ENDOG: variants seen among roughly 807,000 people sequenced by gnomAD.
ENDOG encodes the protein endonuclease G, mitochondrial.
ENDOG carries 22 observed loss-of-function variants against 22.6 expected under a neutral mutation model. The observed-to-expected ratio is 0.97, with a 90% CI of 0.70 to 1.39. The LOEUF (loss-of-function observed/expected upper bound fraction) is 1.39, where lower values mean the gene tolerates loss of function less well. Ranked by LOEUF, ENDOG falls within the 40% of genes most tolerant of loss-of-function variation. The pLI, the probability that ENDOG is intolerant of heterozygous loss-of-function variation, is 0.00. For missense variants in ENDOG, 403 were observed against 431.3 expected (o/e 0.93, Z 0.58); for synonymous variants, 173 against 200.2 (o/e 0.86, Z 1.15).
chr9:128,820,690 G>A (rs1211544703), intron 1 of ENDOG, 49 bp from the exon 2 acceptor site: 2 of 1,530,520 alleles, frequency 1.3e-6, no homozygotes, highest in Admixed American at 1.9e-5. Flanking sequence ...TCTGATAGAG[G>A]AGGAAGGGTC....
intron 1 of ENDOG, 45 bp downstream of exon 1, chr9:128,819,230 C>A: frequency 7.1e-7 from 1 of 1,416,160 alleles, no homozygotes; most frequent in East Asian, 3.0e-5. Flanking sequence ...GGGGCCGGCG[C>A]CTGGCCTCGC....
chr9:128,821,333 C>T (rs1830112751), intron 2 of ENDOG: 1 of 180,800 alleles, frequency 5.5e-6, no homozygotes, highest in Non-Finnish European at 1.2e-5. Context: ...CCCCAGTGCA[C>T]CGAGCTCTCA....
rs2132586026 is a variant in ENDOG, at chr9:128,822,631, G to A, written c.*21G>A. On this transcript the variant is annotated 3_prime_UTR_variant, in exon 3 of 3. Coordinates refer to ENST00000372642, the MANE Select transcript of ENDOG (RefSeq NM_004435.2). The stretch of plus-strand genomic sequence containing the variant: ...AGTGAGGGTGGAGCCCAGTGAGACT[G>A]TGGGTGTGTGCAGGCCGGGGAGTAT... The A allele has an allele frequency of 6.4e-7, 1 of 1,562,464 alleles. No homozygotes were observed. The highest frequency in any genetic ancestry group is 8.7e-7 in the Non-Finnish European group (1 of 1,152,844).
intron 1 of ENDOG, 115 bp downstream of exon 1, chr9:128,819,300 C>T: frequency 1.5e-6 from 2 of 1,346,080 alleles, no homozygotes; most frequent in Non-Finnish European, 1.9e-6. Flanking sequence ...CCCGGTCAGG[C>T]ATCGCAGTGA....
intron 1 of ENDOG, 72 bp from the exon 2 acceptor site, chr9:128,820,667 C>T: frequency 1.5e-6 from 2 of 1,325,444 alleles, no homozygotes; most frequent in East Asian, 2.5e-5. Flanking sequence ...CCCCTCAGGA[C>T]CTGGGGCGGC....
intron 2 of ENDOG, chr9:128,821,751 C>A (rs1196433183): frequency 1.2e-5 from 2 of 162,886 alleles, no homozygotes; most frequent in African/African-American, 4.8e-5. Flanking sequence ...TGACCTGTGT[C>A]CCCCTCTGCA....
At position 128,822,638 on chromosome 9, in the gene ENDOG, T is replaced by G. The variant is rs1431466374; in HGVS notation, c.*28T>G. Reference sequence around the variant, plus strand: ...GTGGAGCCCAGTGAGACTGTGGGTGTGTGCAGGCCGGGGAGTATTAAAGGT... The same window carrying G: ...GTGGAGCCCAGTGAGACTGTGGGTGGGTGCAGGCCGGGGAGTATTAAAGGT... On this transcript the variant is annotated 3_prime_UTR_variant, in exon 3 of 3. Coordinates refer to ENST00000372642, the MANE Select transcript of ENDOG (RefSeq NM_004435.2). The G allele has an allele frequency of 3.8e-6, 6 of 1,559,780 alleles. No homozygotes were observed. The African/African-American group carries it at 6.8e-5, about 18-fold the overall frequency.
chr9:128,820,041 G>A (rs561453935), intron 1 of ENDOG: 1 of 152,380 alleles, frequency 6.6e-6, no homozygotes, highest in East Asian at 1.9e-4. Context: ...CAGGGGTTGG[G>A]GACCCCTAGT....
chr9:128,820,040 G>A (rs1393081893), intron 1 of ENDOG: 1 of 152,258 alleles, frequency 6.6e-6, no homozygotes, highest in African/African-American at 2.4e-5. Flanking sequence ...CCAGGGGTTG[G>A]GGACCCCTAG....
chr9:128,820,842 T>C lies in ENDOG; in HGVS notation c.605T>C (p.Leu202Pro), dbSNP rs771057670. ...TATGTCTGCACAGGGCCACTCTTCC[T>C]GCCCAGGTAAGGTGGAAACCAGGGG... Reference protein sequence around the residue: ...NVYVCTGPLFLPRTEADGKSY... With the variant: ...NVYVCTGPLFPPRTEADGKSY... The change falls in exon 2 of 3, where the codon CTG becomes CCG. Residue 202 changes from leucine to proline, a missense_variant. Coordinates refer to ENST00000372642, the MANE Select transcript of ENDOG (RefSeq NM_004435.2). 14 of 1,607,702 alleles carry C rather than the reference T, an allele frequency of 8.7e-6. No individual in the cohort carries two copies. In the East Asian group the frequency reaches 2.7e-4, roughly 31 times the overall value.
Position 128,822,668 on chromosome 9 carries a change from A to G in ENDOG, c.*58A>G. On this transcript the variant is annotated 3_prime_UTR_variant, in exon 3 of 3. Transcript: ENST00000372642. ...AGGCCGGGGAGTATTAAAGGTGGTG[A>G]TTTTTGGAGACAAGTCTGGTGGCGT... 6.4e-7 allele frequency: 1 copy of G among 1,553,928 alleles called. No individual in the cohort carries two copies. The highest frequency in any genetic ancestry group is 1.4e-5 in the African/African-American group (1 of 73,390).
At chr9:128,819,287 GC>G (rs1346929151) in intron 1 of ENDOG, 102 bp downstream of exon 1, 9 of 1,363,978 alleles carry the variant, frequency 6.6e-6, no homozygotes, top group Non-Finnish European at 8.5e-6. Context: ...TGCCCAACGC[GC>G]CCCCGGTCAG....
chr9:128,822,513 C>T lies in ENDOG; in HGVS notation c.797C>T (p.Pro266Leu). ...EAIPLERFLVPIESIERASGL... is the reference protein window; with the variant it reads ...EAIPLERFLVLIESIERASGL... ...ATCCCACTGGAGCGCTTCCTGGTGC[C>T]CATCGAGAGCATTGAGCGGGCTTCG... Residue 266 changes from proline to leucine, a missense_variant, in exon 3 of 3, where the codon CCC becomes CTC. Physicochemically the swap from Pro to Leu is moderately conservative, Grantham distance 98. Coordinates refer to ENST00000372642, the MANE Select transcript of ENDOG (RefSeq NM_004435.2). 6.4e-7 allele frequency: 1 copy of T among 1,560,636 alleles called. No homozygotes were observed. Among genetic ancestry groups the T allele is most frequent in the Non-Finnish European group, 8.7e-7 (1 of 1,152,004 alleles).
At position 128,818,679 on chromosome 9, in the gene ENDOG, C is replaced by T; in HGVS notation, c.-6C>T. The T allele has an allele frequency of 8.6e-7, 1 of 1,166,050 alleles. No individual in the cohort carries two copies. The highest frequency in any genetic ancestry group is 4.2e-5 in the South Asian group (1 of 23,772). 72.2% of individuals were successfully genotyped at this position (1,166,050 alleles called of 1,614,324 possible). A position where few individuals can be genotyped will look rare whatever the true frequency, so the allele number is the denominator to read the frequency against. On this transcript the variant is annotated 5_prime_UTR_variant, in exon 1 of 3. Coordinates refer to ENST00000372642, the MANE Select transcript of ENDOG (RefSeq NM_004435.2). ...GGGTCGCCCGCCGCTAGGTCGCTCCCCGGCCATGCGGGCGCTGCGGGCCGG... is the reference window on the plus strand; with the variant it reads ...GGGTCGCCCGCCGCTAGGTCGCTCCTCGGCCATGCGGGCGCTGCGGGCCGG...
At chr9:128,821,448 C>T (rs1830117408) in intron 2 of ENDOG, 1 of 160,444 alleles carries the variant, frequency 6.2e-6, no homozygotes, top group African/African-American at 2.4e-5. Context: ...GTCCGCGGTG[C>T]ACCAGGCTCT....
chr9:128,822,051 G>A, intron 2 of ENDOG: 1 of 497,180 alleles, frequency 2.0e-6, no homozygotes, highest in South Asian at 2.2e-5. Flanking sequence ...AGACGAATGT[G>A]AATATTCAGA....
chr9:128,819,402 C>A (rs912970749), intron 1 of ENDOG, among the ~76,000 whole-genome samples: 1 of 152,238 alleles, frequency 6.6e-6, no homozygotes, highest in Admixed American at 6.5e-5. Flanking sequence ...CCCTGGGCAC[C>A]TCCCTGAGCG....
At position 128,818,938 on chromosome 9, in the gene ENDOG, A is replaced by G; in HGVS notation, c.254A>G (p.Tyr85Cys). ...LKSRESYVLC[Y>C]DPRTRGALWV... ...AGCCGCGAGTCGTACGTGCTGTGCTACGACCCGCGCACCCGCGGCGCGCTC... is the reference window on the plus strand; with the variant it reads ...AGCCGCGAGTCGTACGTGCTGTGCTGCGACCCGCGCACCCGCGGCGCGCTC... Residue 85 changes from tyrosine (Y) to cysteine (C), a missense_variant, in exon 1 of 3, where the codon TAC becomes TGC. Coordinates refer to ENST00000372642, the MANE Select transcript of ENDOG (RefSeq NM_004435.2). 3.3e-6 allele frequency: 5 copies of G among 1,492,880 alleles called. No homozygotes were observed. Among genetic ancestry groups the G allele is most frequent in the Non-Finnish European group, 4.4e-6 (5 of 1,129,460 alleles). 92.5% of individuals were successfully genotyped at this position (1,492,880 alleles called of 1,614,324 possible). A position where few individuals can be genotyped will look rare whatever the true frequency, so the allele number is the denominator to read the frequency against.
Position 128,822,356 on chromosome 9 carries a change from A to G in ENDOG, c.640A>G (p.Lys214Glu). 1 of 1,613,890 alleles carries G rather than the reference A, an allele frequency of 6.2e-7. No homozygotes were observed. Among genetic ancestry groups the G allele is most frequent in the Non-Finnish European group, 8.5e-7 (1 of 1,179,950 alleles). ...RTEADGKSYV[K>E]YQVIGKNHVA... ...AGAGGCTGATGGGAAATCCTACGTA[A>G]AGTACCAGGTCATCGGCAAGAACCA... Residue 214 changes from lysine to glutamate, a missense_variant, in exon 3 of 3, where the codon AAG becomes GAG. Lys to Glu is a moderately conservative substitution (Grantham distance 56). Transcript: ENST00000372642.
Sources: allele counts gnomAD v4.1 joint callset (sites outside exome capture counted in the v4.1 genomes callset), GRCh38; gene constraint gnomAD v4.1.1; transcripts MANE v1.5; gene names NCBI Gene and HGNC (gene_info 2026-07-23, HGNC 2026-07-21).